HEATR5B: variants seen among roughly 807,000 people sequenced by gnomAD.
HEATR5B encodes the protein HEAT repeat-containing protein 5B.
In HEATR5B, 156 loss-of-function variants were observed where a neutral mutation model predicts 224.1. The observed-to-expected ratio is 0.70, with a 90% confidence interval of 0.61 to 0.80. The LOEUF (loss-of-function observed/expected upper bound fraction) is 0.80, where lower values mean the gene tolerates loss of function less well. HEATR5B is among the 30% of genes least tolerant of loss of function. The probability of loss-of-function intolerance (pLI) is 0.00; values close to 1 mark genes in which losing one functional copy is unlikely to be tolerated. For missense variants in HEATR5B, 2,323 were observed against 2,535.5 expected, an observed-to-expected ratio of 0.92 and a Z score of 1.80; for synonymous variants, 1,027 against 893.0, an observed-to-expected ratio of 1.15 and a Z score of -2.68.
intron 18 of HEATR5B, among the ~76,000 whole-genome samples, chr2:37,049,348 G>C (rs551136901): frequency 4.6e-5 from 7 of 152,292 alleles, no homozygotes; most frequent in Admixed American, 4.6e-4. Context: ...AATGACGTCA[G>C]AGCACCTCTT....
At chr2:36,982,477 C>A (rs1464861750) in intron 35 of HEATR5B, among the ~76,000 whole-genome samples, 7 of 152,158 alleles carry the variant, frequency 4.6e-5, no homozygotes, top group African/African-American at 1.7e-4. Context: ...TTTTTTTTAA[C>A]AATTAACCTT....
intron 27 of HEATR5B, among the ~76,000 whole-genome samples, chr2:37,013,061 G>A (rs910479577): frequency 6.6e-6 from 1 of 152,202 alleles, no homozygotes; most frequent in Non-Finnish European, 1.5e-5. Context: ...ACACTTTGTT[G>A]AATGAATCAG....
In HEATR5B at chr2:37,014,381, C is replaced by G. The variant is rs879257753; in HGVS notation, c.4105-361G>C. On this transcript the variant is annotated intron_variant, in intron 26 of 35. Coordinates refer to ENST00000233099, the MANE Select transcript of HEATR5B (RefSeq NM_019024.3). ...GTTTCACTGTGTTAGCCAGGATGGT[C>G]TCGATCTCCTGACCTCGTGATCTGC... Among the ~76,000 whole-genome samples, 4 of 151,956 alleles carry G rather than the reference C, an allele frequency of 2.6e-5. No individual in the cohort carries two copies. The East Asian group carries it at 7.9e-4, about 30-fold the overall frequency.
intron 33 of HEATR5B, among the ~76,000 whole-genome samples, chr2:36,998,525 C>T (rs991858078): frequency 2.6e-5 from 4 of 152,176 alleles, no homozygotes; most frequent in Non-Finnish European, 4.4e-5. Context: ...ATCGATTCTA[C>T]TTCTAGGTGT....
intron 28 of HEATR5B, among the ~76,000 whole-genome samples, 177 bp from the exon 29 acceptor site, chr2:37,007,481 C>T (rs551369733): frequency 4.0e-5 from 6 of 151,594 alleles, no homozygotes; most frequent in Admixed American, 2.6e-4. Flanking sequence ...GAAGCTGGGA[C>T]TACAGACATG....
chr2:37,015,210 G>C (rs2148420517), intron 26 of HEATR5B, among the ~76,000 whole-genome samples: 1 of 152,298 alleles, frequency 6.6e-6, no homozygotes, highest in East Asian at 1.9e-4. Flanking sequence ...GATTAGGAAA[G>C]TTAATTGGGA....
intron 2 of HEATR5B, among the ~76,000 whole-genome samples, chr2:37,082,375 G>A (rs6756381): frequency 8.9e-4 from 135 of 152,042 alleles, no homozygotes; most frequent in African/African-American, 3.2e-3. Flanking sequence ...CCACCATGCC[G>A]GGCCATATCT....
At position 37,028,745 on chromosome 2, in the gene HEATR5B, C is replaced by A. The variant is rs757110955; in HGVS notation, c.3537G>T (p.Ser1179=). 1 of 1,613,708 alleles carries A rather than the reference C, an allele frequency of 6.2e-7. No individual in the cohort carries two copies. The highest frequency in any genetic ancestry group is 1.1e-5 in the South Asian group (1 of 91,074). The change falls in exon 23 of 36, where the codon TCG becomes TCT. Residue 1179 remains serine (S), a synonymous_variant. Transcript: ENST00000233099. The part of the protein sequence containing the change: ...IHDTLGHMLS[S]LAVEKLSHWL... ...AATGAGAAAGTTTTTCTACTGCCAG[C>A]GAAGAAAGCATATGTCCCAAAGTGT... is the stretch of plus-strand genomic sequence containing the variant.
Position 37,041,063 on chromosome 2 carries a change from T to C in HEATR5B, c.2856+70A>G. The C allele has an allele frequency of 3.1e-6, 4 of 1,280,704 alleles. No homozygotes were observed. In the South Asian group the frequency reaches 5.2e-5, roughly 17 times the overall value. The allele number at this position is 1,280,704 out of a possible 1,614,324, so 79.3% of individuals were successfully genotyped here. ...TAACAACTTACCACGGTCATTTTTA[T>C]TTCATAGAGCAAATAATTTTCCAAA... On this transcript the variant is annotated intron_variant, in intron 19 of 35. Transcript: ENST00000233099.
chr2:37,068,987 A>T, intron 7 of HEATR5B, 57 bp from the exon 8 acceptor site: 1 of 1,518,232 alleles, frequency 6.6e-7, no homozygotes, highest in South Asian at 1.2e-5. Context: ...ACAGAAATCA[A>T]AGATAAAGCA....
chr2:37,016,407 G>C (rs955309948), intron 26 of HEATR5B, among the ~76,000 whole-genome samples: 4 of 151,966 alleles, frequency 2.6e-5, no homozygotes, highest in Non-Finnish European at 5.9e-5. Flanking sequence ...CACCGCGCCC[G>C]GCCACATGTC....
Position 37,055,729 on chromosome 2 carries a change from G to A in HEATR5B, c.2399+711C>T, listed in dbSNP as rs1338616039. Among the ~76,000 whole-genome samples the A allele has an allele frequency of 3.9e-5, 6 of 152,110 alleles. No homozygotes were observed. In the East Asian group the frequency reaches 5.8e-4, roughly 15 times the overall value. ...TTCTCTTGCCTTAGCCTCCCAAAGC[G>A]CTGGGATTGCAGACATAAGCCACCA... On this transcript the variant is annotated intron_variant, in intron 16 of 35. Transcript: ENST00000233099.
rs1156832078 is a variant in HEATR5B, at chr2:37,075,519, TCAG to T, written c.560_562del (p.Thr187_Asp188delinsAsn). Reference sequence around the variant, plus strand: ...TGCACATCGAACAGCCATTGACCTATCAGTCAAGAGAGACCTGGCATTCTTGTA... The same window carrying T: ...TGCACATCGAACAGCCATTGACCTATTCAAGAGAGACCTGGCATTCTTGTA... On this transcript the variant is annotated inframe_deletion, in exon 5 of 36. Coordinates refer to ENST00000233099, the MANE Select transcript of HEATR5B (RefSeq NM_019024.3). 2 of 1,614,000 alleles carry T rather than the reference TCAG, an allele frequency of 1.2e-6. No homozygotes were observed. Among genetic ancestry groups the T allele is most frequent in the Non-Finnish European group, 1.7e-6 (2 of 1,179,946 alleles).
At chr2:37,026,714 A>G (rs577872344) in intron 24 of HEATR5B, among the ~76,000 whole-genome samples, 45 of 152,304 alleles carry the variant, frequency 3.0e-4, no homozygotes, top group African/African-American at 1.1e-3. Context: ...AATTACATGA[A>G]CAAAAACACT....
intron 16 of HEATR5B, among the ~76,000 whole-genome samples, chr2:37,054,616 C>CA (rs1470257095): frequency 6.6e-6 from 1 of 151,104 alleles, no homozygotes; most frequent in Non-Finnish European, 1.5e-5. Context: ...TCCCGAGTAG[C>CA]TGGGACTACA....
chr2:37,078,519 T>C (rs998058882), intron 3 of HEATR5B, among the ~76,000 whole-genome samples: 38 of 152,220 alleles, frequency 2.5e-4, no homozygotes, highest in African/African-American at 8.7e-4. Context: ...AGCTTCAAAC[T>C]TCAAAACAAA....
chr2:37,072,679 G>A (rs527780420), intron 5 of HEATR5B, among the ~76,000 whole-genome samples: 22 of 151,274 alleles, frequency 1.5e-4, no homozygotes, highest in Admixed American at 2.6e-4. Context: ...AACTAACAAA[G>A]AATAGAAATG....
intron 18 of HEATR5B, among the ~76,000 whole-genome samples, chr2:37,045,317 T>C (rs1670122616): frequency 6.6e-6 from 1 of 151,874 alleles, no homozygotes; most frequent in South Asian, 2.1e-4. Context: ...TGATGTTGAG[T>C]TGCTCCATTT....
intron 27 of HEATR5B, among the ~76,000 whole-genome samples, chr2:37,013,632 T>C (rs780618277): frequency 1.3e-5 from 2 of 152,256 alleles, no homozygotes; most frequent in African/African-American, 4.8e-5. Context: ...TTTTTGAGTT[T>C]TTCCTACCTA....
Sources: allele counts gnomAD v4.1 joint callset (sites outside exome capture counted in the v4.1 genomes callset), GRCh38; gene constraint gnomAD v4.1.1; transcripts MANE v1.5; gene names NCBI Gene and HGNC (gene_info 2026-07-23, HGNC 2026-07-21).